The following CARS2 variants were observed in gnomAD, a reference collection of about 807,000 sequenced individuals.
The protein encoded by CARS2 is probable cysteine--tRNA ligase, mitochondrial.
Under a neutral mutation model 68.8 loss-of-function variants are expected in CARS2, and 52 were observed. The observed-to-expected ratio is 0.76, with a 90% confidence interval of 0.61 to 0.95. The LOEUF is 0.95. Ranked by LOEUF, CARS2 falls within the 40% of genes least tolerant of loss-of-function variation. The probability of loss-of-function intolerance (pLI) is 0.00; values close to 1 mark genes in which losing one functional copy is unlikely to be tolerated. For synonymous variants in CARS2, 314 were observed against 303.6 expected (o/e 1.03, Z -0.36); for missense variants, 780 against 754.2 (o/e 1.03, Z -0.40).
At chr13:110,689,885 G>A (rs1187690734) in intron 3 of CARS2, among the ~76,000 whole-genome samples, 5 of 152,156 alleles carry the variant, frequency 3.3e-5, no homozygotes, top group South Asian at 2.1e-4. Flanking sequence ...TCTTCTTGCC[G>A]CTTCAGACTC....
At chr13:110,661,131 A>G (rs1293598000) in intron 9 of CARS2, among the ~76,000 whole-genome samples, 1 of 152,192 alleles carries the variant, frequency 6.6e-6, no homozygotes, top group Admixed American at 6.5e-5. Context: ...ACTTAAAGTC[A>G]CCAGCTACAT....
chr13:110,679,220 C>G (rs1185007743), intron 6 of CARS2, among the ~76,000 whole-genome samples: 1 of 152,166 alleles, frequency 6.6e-6, no homozygotes, highest in African/African-American at 2.4e-5. Flanking sequence ...GTTCTCAAAA[C>G]ACCATTTCCC....
chr13:110,667,497 T>C lies in CARS2; in HGVS notation c.786-24A>G. ...TACTGCAAGACACAGTGCAAAGTAG[T>C]GAATTCATTCAATCAAGCAACATAT... On this transcript the variant is annotated intron_variant, in intron 7 of 14. Coordinates refer to ENST00000257347, the MANE Select transcript of CARS2 (RefSeq NM_024537.4). The C allele has an allele frequency of 1.9e-6, 3 of 1,602,834 alleles. No individual in the cohort carries two copies. In the South Asian group the frequency reaches 3.4e-5, roughly 18 times the overall value.
At chr13:110,700,994 A>G (rs542379991) in intron 3 of CARS2, among the ~76,000 whole-genome samples, 1 of 152,244 alleles carries the variant, frequency 6.6e-6, no homozygotes, top group Non-Finnish European at 1.5e-5. Context: ...CATGTCTCAG[A>G]TTACACCCAC....
intron 14 of CARS2, 132 bp from the exon 15 acceptor site, chr13:110,641,740 G>T (rs1887331946): frequency 2.7e-6 from 2 of 752,882 alleles, no homozygotes; most frequent in South Asian, 3.0e-5. Flanking sequence ...CAGGCGCTTA[G>T]AAAGGGCCCC....
upstream of CARS2, among the ~76,000 whole-genome samples, chr13:110,708,616 GAGTGC>G (rs2064002489): frequency 6.6e-6 from 1 of 151,870 alleles, no homozygotes; most frequent in African/African-American, 2.4e-5. Flanking sequence ...ACCCAGGCTG[GAGTGC>G]AGTGGCCTGA....
intron 6 of CARS2, 62 bp from the exon 7 acceptor site, chr13:110,677,165 G>C: frequency 6.6e-7 from 1 of 1,519,146 alleles, no homozygotes; most frequent in South Asian, 1.2e-5. Context: ...CGGATGCTCA[G>C]ACATTCACCC....
At chr13:110,649,684 A>G (rs1242777446) in intron 10 of CARS2, among the ~76,000 whole-genome samples, 1 of 152,194 alleles carries the variant, frequency 6.6e-6, no homozygotes, top group Non-Finnish European at 1.5e-5. Context: ...GGGAGGTGGC[A>G]TGACAACAGC....
At chr13:110,689,772 C>T (rs184001071) in intron 3 of CARS2, among the ~76,000 whole-genome samples, 2 of 152,304 alleles carry the variant, frequency 1.3e-5, no homozygotes, top group South Asian at 2.1e-4. Context: ...CCCTCTCCTG[C>T]GGTACAGTTT....
intron 13 of CARS2, chr13:110,644,061 T>TTAC (rs1887765500): frequency 2.4e-6 from 3 of 1,270,192 alleles, no homozygotes; most frequent in Non-Finnish European, 3.1e-6. Flanking sequence ...AAATGTTCTC[T>TTAC]TACTGTGCCT....
chr13:110,651,000 G>T lies in CARS2; in HGVS notation c.1054+34C>A, dbSNP rs185015428. ...TGTCAGAATGACTGTCTCCGAGCTG[G>T]GGGGGGAGTCCACTCCACGTGTGCT... On this transcript the variant is annotated intron_variant, in intron 10 of 14. Transcript: ENST00000257347. 3.4e-4 allele frequency: 515 copies of T among 1,516,006 alleles called. 1 individual carries two copies. Among genetic ancestry groups the T allele is most frequent in the Admixed American group, 5.6e-4 (32 of 57,042 alleles). The allele number at this position is 1,516,006 out of a possible 1,614,324, so 93.9% of individuals were successfully genotyped here. A position where few individuals can be genotyped will look rare whatever the true frequency, so the allele number is the denominator to read the frequency against.
chr13:110,678,850 G>C (rs1284730943), intron 6 of CARS2, among the ~76,000 whole-genome samples: 1 of 152,154 alleles, frequency 6.6e-6, no homozygotes, highest in African/African-American at 2.4e-5. Context: ...GGGGGGAAGA[G>C]TGGACGGGGC....
At chr13:110,675,954 G>A (rs2062937003) in intron 7 of CARS2, among the ~76,000 whole-genome samples, 2 of 152,152 alleles carry the variant, frequency 1.3e-5, no homozygotes, top group Non-Finnish European at 2.9e-5. Context: ...TCAGGAGATC[G>A]AGACCAGCCT....
chr13:110,646,418 G>A, intron 11 of CARS2: 1 of 195,974 alleles, frequency 5.1e-6, no homozygotes, highest in Non-Finnish European at 1.0e-5. Context: ...GGGAGAGACG[G>A]CACGGCTGAC....
At position 110,676,752 on chromosome 13, in the gene CARS2, C is replaced by T. The variant is rs74125030; in HGVS notation, c.785+222G>A. On this transcript the variant is annotated intron_variant, in intron 7 of 14. Coordinates refer to ENST00000257347, the MANE Select transcript of CARS2 (RefSeq NM_024537.4). The surrounding 1 kb of genome is among the most constrained non-coding windows in gnomAD (Gnocchi z 4.0). ...AGTGTGAACCAAAAAGCAGCCTCTC[C>T]ACTAAACAGAGGAAGTGCTGAGGTC... Among the ~76,000 whole-genome samples the T allele has an allele frequency of 0.033, 5,016 of 152,230 alleles. 296 individuals carry two copies. The highest frequency in any genetic ancestry group is 0.11 in the African/African-American group (4,745 of 41,516).
In CARS2 at chr13:110,667,469, C is replaced by A. The variant is rs2139765937; in HGVS notation, c.790G>T (p.Val264Leu). Reference protein sequence around the residue: ...HIECSAIASMVFGSQLDIHSG... With the variant: ...HIECSAIASMLFGSQLDIHSG... ...TGGATATCCAGTTGACTTCCAAATA[C>A]CATACTGCAAGACACAGTGCAAAGT... is the stretch of plus-strand genomic sequence containing the variant. Residue 264 changes from valine (V) to leucine (L), a missense_variant, in exon 8 of 15, where the codon GTA becomes TTA. By Grantham distance (32) the Val-to-Leu change is conservative. Coordinates refer to ENST00000257347, the MANE Select transcript of CARS2 (RefSeq NM_024537.4). 1 of 1,613,760 alleles carries A rather than the reference C, an allele frequency of 6.2e-7. No homozygotes were observed. The highest frequency in any genetic ancestry group is 1.1e-5 in the South Asian group (1 of 90,976).
intron 9 of CARS2, among the ~76,000 whole-genome samples, chr13:110,660,579 T>C (rs1392573863): frequency 6.6e-6 from 1 of 152,206 alleles, no homozygotes; most frequent in Non-Finnish European, 1.5e-5. Context: ...ATTGTATGTC[T>C]CCATCAAAGC....
chr13:110,647,090 G>A lies in CARS2; in HGVS notation c.1193+11C>T, dbSNP rs1320830088. 1.9e-5 allele frequency: 30 copies of A among 1,566,048 alleles called. No homozygotes were observed. The highest frequency in any genetic ancestry group is 1.6e-4 in the East Asian group (7 of 42,646). On this transcript the variant is annotated intron_variant, in intron 11 of 14. Transcript: ENST00000257347. ...AGGGGTGCCACGCCGGGTGCTAGGC[G>A]GGCCTCTTACCTCTCCCACAGCATC...
rs388050 is a variant in CARS2 at position 110,662,194 on chromosome 13, T to A, written c.987+1257A>T. Among the ~76,000 whole-genome samples the A allele has an allele frequency of 2.7e-5, 4 of 147,188 alleles. No homozygotes were observed. The East Asian group carries it at 5.8e-4, about 21-fold the overall frequency. ...ACCCACTCTGCACCATGCAACCCCATGGTCGGGTTCGGACCCCCTCTGCGT... is the reference window on the plus strand; with the variant it reads ...ACCCACTCTGCACCATGCAACCCCAAGGTCGGGTTCGGACCCCCTCTGCGT... On this transcript the variant is annotated intron_variant, in intron 9 of 14. Transcript: ENST00000257347.
Sources: gnomAD v4.1 joint callset for allele counts (sites outside exome capture counted in the v4.1 genomes callset) on GRCh38, gnomAD v4.1.1 for gene constraint, Gnocchi (gnomAD v3.1) non-coding constraint, MANE v1.5 for transcripts, NCBI Gene and HGNC (gene_info 2026-07-23, HGNC 2026-07-21) for gene names.